The following CMIP variants were observed in gnomAD, a reference collection of about 807,000 sequenced individuals.
CMIP encodes the protein C-Maf-inducing protein.
Under a neutral mutation model 97.3 loss-of-function variants are expected in CMIP, and 13 were observed. The ratio of observed to expected loss-of-function variants is 0.13; its 90% CI spans 0.09 to 0.21. The LOEUF (loss-of-function observed/expected upper bound fraction) is 0.21, where lower values mean the gene tolerates loss of function less well. Ranked by LOEUF, CMIP falls within the 10% of genes least tolerant of loss-of-function variation. CMIP has a pLI of 1.00. For missense variants in CMIP, 847 were observed against 1,024.9 expected, an observed-to-expected ratio of 0.83 and a Z score of 2.37; for synonymous variants, 538 against 436.3, an observed-to-expected ratio of 1.23 and a Z score of -2.91.
In CMIP at chr16:81,532,842, C is replaced by T. The variant is rs1388668560; in HGVS notation, c.301-74725C>T. Among the ~76,000 whole-genome samples, 7 of 152,126 alleles carry T rather than the reference C, an allele frequency of 4.6e-5. No homozygotes were observed. The East Asian group carries it at 1.2e-3, about 25-fold the overall frequency. On this transcript the variant is annotated intron_variant, in intron 1 of 20. Coordinates refer to ENST00000537098, the MANE Select transcript of CMIP (RefSeq NM_198390.3). ...GACCTTGGACACACCGTGTTGCCTC[C>T]TGCGCCTCTCTGCCCAGACAGCATG...
intron 3 of CMIP, among the ~76,000 whole-genome samples, chr16:81,628,600 A>C (rs560679100): frequency 2.0e-5 from 3 of 152,338 alleles, no homozygotes; most frequent in Non-Finnish European, 4.4e-5. Context: ...TTTGAACAGA[A>C]GTCTGAGTGA....
chr16:81,697,951 C>T (rs1409922630), intron 14 of CMIP: 1 of 152,434 alleles, frequency 6.6e-6, no homozygotes, highest in Non-Finnish European at 1.5e-5. Context: ...CTCGGGTTCT[C>T]CTCTGATGTC....
intron 1 of CMIP, among the ~76,000 whole-genome samples, chr16:81,586,563 C>A (rs1203682487): frequency 6.6e-6 from 1 of 152,188 alleles, no homozygotes; most frequent in Non-Finnish European, 1.5e-5. Flanking sequence ...AGCACTGTAG[C>A]CTGCCACGCA....
intron 1 of CMIP, among the ~76,000 whole-genome samples, chr16:81,492,212 C>T (rs1047789794): frequency 6.6e-6 from 1 of 152,200 alleles, no homozygotes; most frequent in African/African-American, 2.4e-5. Context: ...GAGTGGAGCC[C>T]ATCTGTAATG....
intron 1 of CMIP, among the ~76,000 whole-genome samples, chr16:81,503,833 C>A (rs1003673616): frequency 9.9e-5 from 15 of 152,252 alleles, no homozygotes; most frequent in African/African-American, 3.6e-4. Flanking sequence ...CTGAGCGGAT[C>A]ACCAGGCCTG....
chr16:81,468,866 G>T (rs561679744), intron 1 of CMIP, among the ~76,000 whole-genome samples: 58 of 152,234 alleles, frequency 3.8e-4, no homozygotes, highest in Non-Finnish European at 7.5e-4. Flanking sequence ...CGCTCCATAG[G>T]CCTCAGGTGT....
At chr16:81,567,675 C>T (rs1180465467) in intron 1 of CMIP, among the ~76,000 whole-genome samples, 3 of 152,214 alleles carry the variant, frequency 2.0e-5, no homozygotes, top group Non-Finnish European at 4.4e-5. Context: ...CCACGCCGCC[C>T]TCAGGACCCT....
At chr16:81,506,686 G>A (rs760925418) in intron 1 of CMIP, among the ~76,000 whole-genome samples, 1 of 152,206 alleles carries the variant, frequency 6.6e-6, no homozygotes. Flanking sequence ...AGGCCAAGGC[G>A]GGCGGATCAC....
chr16:81,586,239 A>C (rs1391902908), intron 1 of CMIP, among the ~76,000 whole-genome samples: 1 of 152,072 alleles, frequency 6.6e-6, no homozygotes, highest in Non-Finnish European at 1.5e-5. Flanking sequence ...GGCCCTATTG[A>C]TGGGATAGTG....
chr16:81,463,943 G>A (rs1422307201), intron 1 of CMIP: 1 of 152,260 alleles, frequency 6.6e-6, no homozygotes, highest in Non-Finnish European at 1.5e-5. Context: ...GCAGGCCTTG[G>A]AGAGTTCTCC....
At chr16:81,448,101 T>TC (rs1292680978) in intron 1 of CMIP, among the ~76,000 whole-genome samples, 2 of 152,248 alleles carry the variant, frequency 1.3e-5, no homozygotes, top group African/African-American at 4.8e-5. Flanking sequence ...TCCTGTGGCT[T>TC]CGCAGCAGCC....
chr16:81,696,265 G>T (rs1228770358), intron 13 of CMIP: 2 of 488,824 alleles, frequency 4.1e-6, no homozygotes, highest in Non-Finnish European at 3.7e-6. Flanking sequence ...TCTACCTGCT[G>T]CAGCCACAGG....
chr16:81,702,615 G>A lies in CMIP; in HGVS notation c.1897-7G>A. 3 of 1,613,168 alleles carry A rather than the reference G, an allele frequency of 1.9e-6. No homozygotes were observed. Among genetic ancestry groups the A allele is most frequent in the African/African-American group, 1.3e-5 (1 of 75,008 alleles). On this transcript the variant is annotated splice_polypyrimidine_tract_variant and splice_region_variant and intron_variant, in intron 16 of 20. Transcript: ENST00000537098. The stretch of plus-strand genomic sequence containing the variant: ...AATGGTTGTAACCAGCCTGGTTTCT[G>A]TTGCAGCAAAGGAAAGGCGGGCCCA...
rs770492711 is a variant in CMIP, at chr16:81,620,868, C to T, written c.427-8C>T. 8.1e-6 allele frequency: 13 copies of T among 1,613,932 alleles called. No individual in the cohort carries two copies. The highest frequency in any genetic ancestry group is 1.3e-5 in the African/African-American group (1 of 75,058). ...CCGGACCTTGCTGTCCTGTTCTTGT[C>T]GTTACAGGCTGCCAATAGCTACCTG... is the stretch of plus-strand genomic sequence containing the variant. On this transcript the variant is annotated splice_polypyrimidine_tract_variant and splice_region_variant and intron_variant, in intron 2 of 20. Transcript: ENST00000537098.
Position 81,678,585 on chromosome 16 carries a change from G to A in CMIP, c.1345G>A (p.Ala449Thr), listed in dbSNP as rs757061258. ...CATGAGCATCGAGCTGGGCCCCCAG[G>A]CCGACCGCACGCTCGGCTGCTACGT... is the stretch of plus-strand genomic sequence containing the variant. ...STMSIELGPQADRTLGCYVEI... is the reference protein window; with the variant it reads ...STMSIELGPQTDRTLGCYVEI... Residue 449 changes from alanine (A) to threonine (T), a missense_variant, in exon 10 of 21, where the codon GCC (alanine) becomes ACC (threonine). Transcript: ENST00000537098. The A allele has an allele frequency of 1.5e-4, 241 of 1,604,086 alleles. No homozygotes were observed. Among genetic ancestry groups the A allele is most frequent in the Non-Finnish European group, 2.0e-4 (236 of 1,175,434 alleles).
chr16:81,702,344 C>T (rs1347705165), intron 16 of CMIP, among the ~76,000 whole-genome samples: 1 of 152,044 alleles, frequency 6.6e-6, no homozygotes, highest in African/African-American at 2.4e-5. Flanking sequence ...GTGCCAGTAC[C>T]CACCCAGTGA....
At chr16:81,578,795 G>A (rs16955583) in intron 1 of CMIP, among the ~76,000 whole-genome samples, 10,441 of 152,286 alleles carry the variant, frequency 0.069, 720 homozygotes, top group African/African-American at 0.17. Flanking sequence ...CACTGGCGTC[G>A]GAAAAGTTCC....
At chr16:81,664,218 T>C in intron 6 of CMIP, 51 bp from the exon 7 acceptor site, 2 of 1,528,518 alleles carry the variant, frequency 1.3e-6, no homozygotes, top group Non-Finnish European at 1.8e-6. Flanking sequence ...CCACGGGCTG[T>C]GTTCAGAACA....
At chr16:81,581,028 A>G (rs150405317) in intron 1 of CMIP, among the ~76,000 whole-genome samples, 3 of 152,086 alleles carry the variant, frequency 2.0e-5, no homozygotes, top group East Asian at 3.9e-4. Flanking sequence ...CACACAGTAC[A>G]TGGTCTTTTT....
Sources: gnomAD v4.1 joint callset for allele counts (sites outside exome capture counted in the v4.1 genomes callset) on GRCh38, gnomAD v4.1.1 for gene constraint, MANE v1.5 for transcripts, NCBI Gene and HGNC (gene_info 2026-07-23, HGNC 2026-07-21) for gene names.